Variants in PARP1 observed in about 807,000 individuals in gnomAD.
PARP1 encodes poly [ADP-ribose] polymerase 1.
In PARP1, 44 loss-of-function variants were observed where a neutral mutation model predicts 118.7. That is an observed-to-expected ratio of 0.37 (90% CI 0.29 to 0.48). The LOEUF is 0.48. Ranked by LOEUF, PARP1 falls within the 20% of genes least tolerant of loss-of-function variation. The probability of loss-of-function intolerance (pLI) is 0.99; values close to 1 mark genes in which losing one functional copy is unlikely to be tolerated. For missense variants in PARP1, 1,100 were observed against 1,272.4 expected (o/e 0.86, Z 2.06); for synonymous variants, 492 against 483.2 (o/e 1.02, Z -0.24).
chr1:226,374,583 C>T (rs527847046), intron 13 of PARP1, among the ~76,000 whole-genome samples: 2 of 152,276 alleles, frequency 1.3e-5, no homozygotes, highest in Admixed American at 6.5e-5. Context: ...CTTGGCTGCT[C>T]CAGATTCTTA....
chr1:226,398,996 T>G (rs986828666), intron 2 of PARP1, among the ~76,000 whole-genome samples: 15 of 151,800 alleles, frequency 9.9e-5, no homozygotes, highest in Non-Finnish European at 1.5e-5. Flanking sequence ...ATAAACAAAC[T>G]GTGGTAATCC....
chr1:226,365,793 C>CA (rs11378196), intron 18 of PARP1, among the ~76,000 whole-genome samples, 161 bp downstream of exon 18: 120,135 of 146,964 alleles, frequency 0.82, 49,405 homozygotes, highest in South Asian at 0.88. Context: ...AACAAACAAA[C>CA]AAAAAAAAAA....
Position 226,385,594 on chromosome 1 carries a change from A to G in PARP1, c.921T>C (p.Asp307=). 1 of 1,614,186 alleles carries G rather than the reference A, an allele frequency of 6.2e-7. No homozygotes were observed. The highest frequency in any genetic ancestry group is 8.5e-7 in the Non-Finnish European group (1 of 1,180,006). The change falls in exon 7 of 23, where the codon GAT becomes GAC. Residue 307 remains aspartate, a synonymous_variant. Coordinates refer to ENST00000366794, the MANE Select transcript of PARP1 (RefSeq NM_001618.4). The part of the protein sequence containing the change: ...ECSGQLVFKS[D]AYYCTGDVTA... The stretch of plus-strand genomic sequence containing the variant: ...TGACGTCCCCAGTGCAGTAATAGGC[A>G]TCGCTCTTGAAGACCAGCTGACCCG...
chr1:226,407,982 C>T lies in PARP1; in HGVS notation c.-53G>A. On this transcript the variant is annotated 5_prime_UTR_variant, in exon 1 of 23. Coordinates refer to ENST00000366794, the MANE Select transcript of PARP1 (RefSeq NM_001618.4). ...GAAGCCCGACGCCACGACCTAGAAA[C>T]ACGCTGCCGCCTCGCCGCCTCGCGT... 3 of 1,609,288 alleles carry T rather than the reference C, an allele frequency of 1.9e-6. No individual in the cohort carries two copies. Among genetic ancestry groups the T allele is most frequent in the Non-Finnish European group, 2.5e-6 (3 of 1,178,182 alleles).
At chr1:226,403,724 C>G (rs1665083950) in intron 1 of PARP1, among the ~76,000 whole-genome samples, 1 of 152,120 alleles carries the variant, frequency 6.6e-6, no homozygotes, top group Non-Finnish European at 1.5e-5. Context: ...ACTCCACTGC[C>G]CGGCAGGAAG....
rs769147843 is a variant in PARP1, at chr1:226,407,769, GCGCCGCGTCCCCGCCC to G, written c.120+25_120+40del. ...CCTTCCCGGACACAGTTAACCCGGG[GCGCCGCGTCCCCGCCC>G]CGCCGCCCGCACAGCGGCCCGCACC... On this transcript the variant is annotated intron_variant, in intron 1 of 22. Transcript: ENST00000366794. 4.6e-6 allele frequency: 7 copies of G among 1,511,252 alleles called. No individual in the cohort carries two copies. In the East Asian group the frequency reaches 1.7e-4, roughly 38 times the overall value. 93.6% of individuals were successfully genotyped at this position (1,511,252 alleles called of 1,614,324 possible). A position where few individuals can be genotyped will look rare whatever the true frequency, so the allele number is the denominator to read the frequency against.
At chr1:226,368,867 T>A (rs1664323641) in intron 15 of PARP1, among the ~76,000 whole-genome samples, 1 of 152,226 alleles carries the variant, frequency 6.6e-6, no homozygotes, top group South Asian at 2.1e-4. Flanking sequence ...CTTGGTGCTC[T>A]ATATGCAAAG....
chr1:226,361,145 C>A lies in PARP1; in HGVS notation c.*315G>T, dbSNP rs1050242658. On this transcript the variant is annotated 3_prime_UTR_variant, in exon 23 of 23. Coordinates refer to ENST00000366794, the MANE Select transcript of PARP1 (RefSeq NM_001618.4). Reference sequence around the variant, plus strand: ...GAAACCAGTAAGGCAGACATTCTAACGAAGCTTGGTTTTTTCCATAGGACT... The same window carrying A: ...GAAACCAGTAAGGCAGACATTCTAAAGAAGCTTGGTTTTTTCCATAGGACT... The A allele has an allele frequency of 1.2e-5, 5 of 413,976 alleles. No homozygotes were observed. The highest frequency in any genetic ancestry group is 2.2e-5 in the Non-Finnish European group (5 of 226,886). The allele number at this position is 413,976 out of a possible 1,614,324, so 25.6% of individuals were successfully genotyped here. A position where few individuals can be genotyped will look rare whatever the true frequency, so the allele number is the denominator to read the frequency against.
At chr1:226,395,841 T>C (rs966118483) in intron 2 of PARP1, among the ~76,000 whole-genome samples, 2 of 152,146 alleles carry the variant, frequency 1.3e-5, no homozygotes, top group African/African-American at 2.4e-5. Context: ...GGACAAATAC[T>C]GTCTAACTCC....
intron 2 of PARP1, among the ~76,000 whole-genome samples, chr1:226,393,724 C>T (rs1226679413): frequency 6.6e-6 from 1 of 152,174 alleles, no homozygotes; most frequent in South Asian, 2.1e-4. Context: ...AGAAAAACTA[C>T]AAGGGAACTT....
In PARP1 at chr1:226,385,695, G is replaced by T; in HGVS notation, c.835-15C>A. On this transcript the variant is annotated splice_polypyrimidine_tract_variant and intron_variant, in intron 6 of 22. Transcript: ENST00000366794. Reference sequence around the variant, plus strand: ...CGGTCCAAGATCTGCAGCCAGTGGAGAAACATGTCAGAGGGCAAATGCGGG... The same window carrying T: ...CGGTCCAAGATCTGCAGCCAGTGGATAAACATGTCAGAGGGCAAATGCGGG... The T allele has an allele frequency of 6.2e-7, 1 of 1,613,484 alleles. No homozygotes were observed. Among genetic ancestry groups the T allele is most frequent in the South Asian group, 1.1e-5 (1 of 91,062 alleles).
intron 1 of PARP1, 40 bp downstream of exon 1, chr1:226,407,770 C>T (rs2102750200): frequency 1.9e-6 from 3 of 1,540,516 alleles, no homozygotes; most frequent in Non-Finnish European, 2.6e-6. Context: ...TAACCCGGGG[C>T]GCCGCGTCCC....
intron 2 of PARP1, chr1:226,401,869 G>A (rs1260790535): frequency 1.2e-6 from 1 of 817,570 alleles, no homozygotes; most frequent in Non-Finnish European, 1.8e-6. Context: ...TACTCTGGTG[G>A]GAGGTGTTGA....
At chr1:226,392,985 T>A (rs764285891) in intron 2 of PARP1, 5 of 1,542,878 alleles carry the variant, frequency 3.2e-6, no homozygotes, top group Non-Finnish European at 4.3e-6. Flanking sequence ...GAGGTTCTAG[T>A]AAGTGCATTA....
At chr1:226,384,598 T>C (rs1205069185) in intron 7 of PARP1, among the ~76,000 whole-genome samples, 2 of 152,170 alleles carry the variant, frequency 1.3e-5, no homozygotes, top group Non-Finnish European at 1.5e-5. Context: ...GTCTGTAAGA[T>C]TTGCATACCC....
chr1:226,394,905 C>T (rs917449833), intron 2 of PARP1, among the ~76,000 whole-genome samples: 2 of 152,154 alleles, frequency 1.3e-5, no homozygotes, highest in African/African-American at 2.4e-5. Flanking sequence ...ACAAATGACA[C>T]GATTAAATTA....
intron 7 of PARP1, 120 bp from the exon 8 acceptor site, chr1:226,383,303 G>C: frequency 1.2e-6 from 1 of 812,352 alleles, no homozygotes; most frequent in South Asian, 1.6e-5. Context: ...TTACAATAAA[G>C]AGTAACAAAA....
intron 15 of PARP1, 119 bp from the exon 16 acceptor site, chr1:226,368,440 A>G: frequency 8.1e-7 from 1 of 1,233,746 alleles, no homozygotes; most frequent in South Asian, 1.2e-5. Flanking sequence ...TGGTATGTGC[A>G]CATGCCAGGA....
At chr1:226,370,413 C>A (rs1664357461) in intron 15 of PARP1, 21 bp downstream of exon 15, 3 of 1,595,354 alleles carry the variant, frequency 1.9e-6, no homozygotes, top group Non-Finnish European at 2.6e-6. Flanking sequence ...TCCAGGAGGC[C>A]CCTGGTAGCC....
Sources: allele counts gnomAD v4.1 joint callset (sites outside exome capture counted in the v4.1 genomes callset), GRCh38; gene constraint gnomAD v4.1.1; transcripts MANE v1.5; gene names NCBI Gene and HGNC (gene_info 2026-07-23, HGNC 2026-07-21).